Variants in MSN observed in about 807,000 individuals in gnomAD.
The protein encoded by MSN is epididymis luminal protein 70.
MSN carries 2 observed loss-of-function variants against 48.0 expected under a neutral mutation model. The observed-to-expected ratio is 0.04, with a 90% CI of 0.02 to 0.13. The LOEUF (loss-of-function observed/expected upper bound fraction) is 0.13. MSN is among the 10% of genes least tolerant of loss of function. The probability of loss-of-function intolerance (pLI) is 1.00; values close to 1 mark genes in which losing one functional copy is unlikely to be tolerated. For missense variants in MSN, 267 were observed against 470.1 expected, an observed-to-expected ratio of 0.57 and a Z score of 3.99; for synonymous variants, 146 against 166.9, an observed-to-expected ratio of 0.87 and a Z score of 0.97.
intron 1 of MSN, among the ~76,000 whole-genome samples, chrX:65,684,689 C>T (rs1025246453): frequency 8.9e-6 from 1 of 111,805 alleles, no homozygotes; most frequent in African/African-American, 3.3e-5. Context: ...CCACCCGCCT[C>T]GGCCTCCCAA....
chrX:65,599,250 G>A (rs755387320), intron 1 of MSN, among the ~76,000 whole-genome samples: 1 of 110,903 alleles, frequency 9.0e-6, no homozygotes, highest in Non-Finnish European at 1.9e-5. Context: ...AGCCGGGATT[G>A]CACCATTGCA....
chrX:65,739,319 C>A (rs776504180), intron 12 of MSN, 125 bp downstream of exon 12: 6 of 660,868 alleles, frequency 9.1e-6, no homozygotes, highest in Non-Finnish European at 1.4e-5. Context: ...GAGCCCAAGC[C>A]GTTCTTAAGT....
intron 1 of MSN, among the ~76,000 whole-genome samples, chrX:65,604,220 T>G (rs1353754462): frequency 8.9e-6 from 1 of 111,870 alleles, no homozygotes; most frequent in African/African-American, 3.2e-5. Context: ...CTCTATATCA[T>G]GCACTGGAGC....
chrX:65,728,115 C>T (rs776002146), intron 3 of MSN, among the ~76,000 whole-genome samples: 2 of 111,299 alleles, frequency 1.8e-5, no homozygotes, highest in Middle Eastern at 4.6e-3. Flanking sequence ...CTTCTAACAG[C>T]GACAATGGCC....
intron 1 of MSN, among the ~76,000 whole-genome samples, chrX:65,633,123 C>A (rs2070571284): frequency 1.8e-5 from 2 of 111,367 alleles, no homozygotes; most frequent in Non-Finnish European, 3.8e-5. Context: ...AGAGATGTAG[C>A]TGGGGAGGAC....
intron 1 of MSN, among the ~76,000 whole-genome samples, chrX:65,684,052 T>A (rs1259292593): frequency 1.9e-5 from 2 of 107,984 alleles, no homozygotes; most frequent in African/African-American, 6.8e-5. Context: ...GTGATTCTCA[T>A]GCCTCAGTCT....
intron 1 of MSN, among the ~76,000 whole-genome samples, chrX:65,631,174 C>A (rs913602199): frequency 6.4e-5 from 7 of 109,347 alleles, no homozygotes; most frequent in Non-Finnish European, 1.1e-4. Context: ...CTGCTCACTG[C>A]AACCTCCACC....
intron 1 of MSN, among the ~76,000 whole-genome samples, chrX:65,668,817 G>A (rs1402318884): frequency 8.9e-6 from 1 of 112,073 alleles, no homozygotes. Flanking sequence ...GCTCAGAAAG[G>A]CCTGGTGACC....
chrX:65,616,283 AAAT>A (rs1569454268), intron 1 of MSN, among the ~76,000 whole-genome samples: 3 of 102,917 alleles, frequency 2.9e-5, no homozygotes, highest in Admixed American at 1.1e-4. Context: ...TTGAATCTGT[AAAT>A]TACCTTGGGC....
chrX:65,615,145 A>C (rs1030952950), intron 1 of MSN, among the ~76,000 whole-genome samples: 1 of 110,170 alleles, frequency 9.1e-6, no homozygotes, highest in Non-Finnish European at 1.9e-5. Context: ...TGCTATTGTG[A>C]ATAATGCTAC....
At chrX:65,671,972 T>C in intron 1 of MSN, among the ~76,000 whole-genome samples, 1 of 112,260 alleles carries the variant, frequency 8.9e-6, no homozygotes, top group Non-Finnish European at 1.9e-5. Context: ...TGAAACTACT[T>C]TACCGAATGA....
At chrX:65,711,029 C>T (rs1271453917) in intron 1 of MSN, among the ~76,000 whole-genome samples, 2 of 105,550 alleles carry the variant, frequency 1.9e-5, no homozygotes, top group East Asian at 6.0e-4. Flanking sequence ...GGACTACAGG[C>T]GTGCACCACC....
chrX:65,662,788 GA>G (rs1368569882), upstream of MSN, among the ~76,000 whole-genome samples: 1 of 112,209 alleles, frequency 8.9e-6, no homozygotes, highest in Non-Finnish European at 1.9e-5. Context: ...TGGCAAGTGA[GA>G]CCTAATTAAA....
At chrX:65,659,378 T>C (rs1162978622) in intron 1 of MSN, among the ~76,000 whole-genome samples, 2 of 111,738 alleles carry the variant, frequency 1.8e-5, no homozygotes, top group Non-Finnish European at 3.8e-5. Context: ...GGTCTCAAAC[T>C]CCTGGCCTCA....
upstream of MSN, chrX:65,667,576 C>G (rs1182359632): frequency 2.3e-6 from 2 of 856,918 alleles, no homozygotes; most frequent in Non-Finnish European, 2.9e-6. Context: ...GGCCAGCGGT[C>G]GGCGGGGAGG....
intron 1 of MSN, among the ~76,000 whole-genome samples, chrX:65,715,660 T>G (rs1212367572): frequency 8.9e-6 from 1 of 111,996 alleles, no homozygotes; most frequent in East Asian, 2.8e-4. Flanking sequence ...CTAGTGACTT[T>G]TGTATGTTGA....
intron 6 of MSN, 67 bp from the exon 7 acceptor site, chrX:65,733,117 G>A: frequency 2.4e-6 from 2 of 829,856 alleles, no homozygotes; most frequent in Non-Finnish European, 3.5e-6. Flanking sequence ...GTGAGGGCAA[G>A]CCCCCAGTTC....
chrX:65,694,083 A>AC (rs1301718408), intron 1 of MSN, among the ~76,000 whole-genome samples: 14 of 110,556 alleles, frequency 1.3e-4, no homozygotes, highest in African/African-American at 4.6e-4. Context: ...AACAAAAAAA[A>AC]AAAACAAAAC....
At chrX:65,739,487 TATG>T (rs1190827559) in intron 12 of MSN, among the ~76,000 whole-genome samples, 11 of 112,020 alleles carry the variant, frequency 9.8e-5, no homozygotes, top group Non-Finnish European at 2.1e-4. Context: ...GAATCTTTTG[TATG>T]TTGTTCTACT....
Sources: allele counts gnomAD v4.1 joint callset (sites outside exome capture counted in the v4.1 genomes callset), GRCh38; gene constraint gnomAD v4.1.1; transcripts MANE v1.5; gene names NCBI Gene and HGNC (gene_info 2026-07-23, HGNC 2026-07-21).